Variants in KIF26B observed in about 807,000 individuals in gnomAD.
KIF26B encodes the protein kinesin-like protein KIF26B.
KIF26B carries 63 observed loss-of-function variants against 151.2 expected under a neutral mutation model. The observed-to-expected ratio is 0.42, with a 90% confidence interval of 0.34 to 0.51. KIF26B has a LOEUF of 0.51. KIF26B is among the 20% of genes least tolerant of loss of function. The pLI, the probability that KIF26B is intolerant of heterozygous loss-of-function variation, is 0.07. For missense variants in KIF26B, 2,813 were observed against 2,913.6 expected, an observed-to-expected ratio of 0.97 and a Z score of 0.79; for synonymous variants, 1,357 against 1,262.1, an observed-to-expected ratio of 1.08 and a Z score of -1.59.
At chr1:245,478,326 TTTTC>T (rs1223290490) in intron 4 of KIF26B, among the ~76,000 whole-genome samples, 1 of 151,724 alleles carries the variant, frequency 6.6e-6, no homozygotes, top group Non-Finnish European at 1.5e-5. Context: ...GGGGGTGTGT[TTTTC>T]TTTCTTGGGT....
intron 2 of KIF26B, among the ~76,000 whole-genome samples, chr1:245,272,482 C>T (rs1312181087): frequency 6.8e-6 from 1 of 147,506 alleles, no homozygotes; most frequent in Non-Finnish European, 1.5e-5. Context: ...TTGGTTGTTT[C>T]TTTTTTCTAT....
intron 2 of KIF26B, 114 bp downstream of exon 2, chr1:245,156,797 C>G (rs938041541): frequency 1.8e-5 from 11 of 596,478 alleles, no homozygotes; most frequent in Middle Eastern, 5.1e-4. Context: ...CGCGAGAGCC[C>G]CCGGCGGCGC....
Position 245,170,474 on chromosome 1 carries a change from A to AG in KIF26B, c.465+13794dup, listed in dbSNP as rs1429398295. ...CGAAACTTATCAGAACCAAACATAG[A>AG]GGGCAAATGTCTTAGCCAATTCATG... On this transcript the variant is annotated intron_variant, in intron 2 of 14. Coordinates refer to ENST00000407071, the MANE Select transcript of KIF26B (RefSeq NM_018012.4). This position sits in a 1 kb window ranked among gnomAD's most constrained non-coding sequence, Gnocchi z 4.4. 6.6e-6 allele frequency among the ~76,000 whole-genome samples: 1 copy of AG among 152,208 alleles called. No individual in the cohort carries two copies. Among genetic ancestry groups the AG allele is most frequent in the Non-Finnish European group, 1.5e-5 (1 of 68,040 alleles).
intron 4 of KIF26B, among the ~76,000 whole-genome samples, chr1:245,505,063 C>A (rs1348024256): frequency 1.3e-5 from 2 of 151,812 alleles, no homozygotes; most frequent in African/African-American, 4.8e-5. Flanking sequence ...CTCAGCCTCC[C>A]AAGTAGTTGG....
intron 5 of KIF26B, among the ~76,000 whole-genome samples, chr1:245,561,878 C>T (rs78227983): frequency 0.023 from 3,484 of 152,280 alleles, 125 homozygotes; most frequent in African/African-American, 0.079. Context: ...ATTCTCACTA[C>T]TGACGTAAAT....
At chr1:245,388,803 G>T (rs1673616015) in intron 3 of KIF26B, among the ~76,000 whole-genome samples, 1 of 152,174 alleles carries the variant, frequency 6.6e-6, no homozygotes, top group African/African-American at 2.4e-5. Flanking sequence ...ACATCCAATT[G>T]GTGGGTTGTT....
Position 245,706,307 on chromosome 1 carries a change from G to A in KIF26B, c.*3701G>A, listed in dbSNP as rs1000677951. ...TTGTATTGACCAAAAATGCAGTTGT[G>A]CCCACTTGGGTGTGTATCTCATGTC... On this transcript the variant is annotated 3_prime_UTR_variant, in exon 15 of 15. Coordinates refer to ENST00000407071, the MANE Select transcript of KIF26B (RefSeq NM_018012.4). The A allele has an allele frequency of 6.6e-6, 1 of 152,168 alleles. No individual in the cohort carries two copies. 9.4% of individuals were successfully genotyped at this position (152,168 alleles called of 1,614,324 possible). A position where few individuals can be genotyped will look rare whatever the true frequency, so the allele number is the denominator to read the frequency against.
intron 5 of KIF26B, among the ~76,000 whole-genome samples, chr1:245,574,864 CT>C (rs201010492): frequency 1.0e-3 from 127 of 126,280 alleles, no homozygotes; most frequent in Middle Eastern, 8.3e-3. Context: ...TTTTTTTTTT[CT>C]TTTTTTTTTT....
chr1:245,385,533 A>G (rs111254126), intron 3 of KIF26B, among the ~76,000 whole-genome samples: 1 of 152,354 alleles, frequency 6.6e-6, no homozygotes, highest in African/African-American at 2.4e-5. Context: ...CCTGTTTGTT[A>G]TCACTGGGAG....
At chr1:245,529,131 A>G (rs1168227893) in intron 4 of KIF26B, among the ~76,000 whole-genome samples, 1 of 152,122 alleles carries the variant, frequency 6.6e-6, no homozygotes, top group Admixed American at 6.5e-5. Flanking sequence ...CCGTCATACA[A>G]AATATTAAAG....
chr1:245,179,694 A>T (rs1668870782), intron 2 of KIF26B, among the ~76,000 whole-genome samples: 1 of 152,188 alleles, frequency 6.6e-6, no homozygotes, highest in African/African-American at 2.4e-5. Flanking sequence ...GAGGGGAGAT[A>T]AGTGTGTAAA....
chr1:245,516,833 G>T lies in KIF26B; in HGVS notation c.1167-23934G>T, dbSNP rs1660979224. On this transcript the variant is annotated intron_variant, in intron 4 of 14. Transcript: ENST00000407071. This position sits in a 1 kb window ranked among gnomAD's most constrained non-coding sequence, Gnocchi z 4.2. Reference sequence around the variant, plus strand: ...TCTTCAGCTGAACACAAAAGTTCCGGTTACCAGACTGTCCCTGGATACTGG... The same window carrying T: ...TCTTCAGCTGAACACAAAAGTTCCGTTTACCAGACTGTCCCTGGATACTGG... Among the ~76,000 whole-genome samples the T allele has an allele frequency of 6.6e-6, 1 of 151,358 alleles. No individual in the cohort carries two copies. The highest frequency in any genetic ancestry group is 2.4e-5 in the African/African-American group (1 of 41,314).
At chr1:245,691,404 T>C (rs1017911929) in intron 12 of KIF26B, among the ~76,000 whole-genome samples, 2 of 152,212 alleles carry the variant, frequency 1.3e-5, no homozygotes. Context: ...ATGGATTTCA[T>C]GTGGAATGTC....
chr1:245,314,957 G>A (rs376974970), intron 2 of KIF26B, among the ~76,000 whole-genome samples: 82 of 152,248 alleles, frequency 5.4e-4, no homozygotes, highest in African/African-American at 1.9e-3. Flanking sequence ...GAGGCGGGTG[G>A]ATCACCTGAG....
At chr1:245,639,786 GTTAT>G (rs1308447852) in intron 9 of KIF26B, among the ~76,000 whole-genome samples, 2 of 150,796 alleles carry the variant, frequency 1.3e-5, no homozygotes, top group African/African-American at 4.9e-5. Flanking sequence ...AACATTTCTT[GTTAT>G]TTATAGTTTT....
intron 2 of KIF26B, chr1:245,216,138 C>G (rs1360441361): frequency 6.6e-6 from 1 of 151,566 alleles, no homozygotes; most frequent in Non-Finnish European, 1.5e-5. Flanking sequence ...TGCATATTAC[C>G]TGTTATTTCT....
intron 2 of KIF26B, among the ~76,000 whole-genome samples, chr1:245,208,426 G>A (rs1003757559): frequency 1.3e-5 from 2 of 152,084 alleles, no homozygotes; most frequent in African/African-American, 4.8e-5. Flanking sequence ...TCTCTCTAAG[G>A]ACATAAAATA....
At chr1:245,351,955 A>G (rs1315727747) in intron 2 of KIF26B, among the ~76,000 whole-genome samples, 1 of 152,224 alleles carries the variant, frequency 6.6e-6, no homozygotes, top group Non-Finnish European at 1.5e-5. Context: ...ATGAATGGAT[A>G]TATTGAATGA....
intron 10 of KIF26B, among the ~76,000 whole-genome samples, chr1:245,649,347 A>C (rs556000576): frequency 8.5e-5 from 13 of 152,184 alleles, no homozygotes; most frequent in Non-Finnish European, 1.8e-4. Flanking sequence ...AGGCCTCGAC[A>C]GTTCCCAGCC....
Sources: allele counts gnomAD v4.1 joint callset (sites outside exome capture counted in the v4.1 genomes callset), GRCh38; gene constraint gnomAD v4.1.1; non-coding constraint Gnocchi (gnomAD v3.1); transcripts MANE v1.5; gene names NCBI Gene and HGNC (gene_info 2026-07-23, HGNC 2026-07-21).